KHDRBS3: variants seen among roughly 807,000 people sequenced by gnomAD.
KHDRBS3 encodes the protein KH RNA binding domain containing, signal transduction associated 3.
Under a neutral mutation model 45.6 loss-of-function variants are expected in KHDRBS3, and 23 were observed. That is an observed-to-expected ratio of 0.50 (90% confidence interval 0.36 to 0.72). The LOEUF (loss-of-function observed/expected upper bound fraction) is 0.72. KHDRBS3 is among the 30% of genes least tolerant of loss of function. The probability of loss-of-function intolerance (pLI) is 0.00; values close to 1 mark genes in which losing one functional copy is unlikely to be tolerated. For synonymous variants in KHDRBS3, 162 were observed against 156.5 expected, an observed-to-expected ratio of 1.04 and a Z score of -0.26; for missense variants, 352 against 424.8, an observed-to-expected ratio of 0.83 and a Z score of 1.51.
rs143025138 is a variant in KHDRBS3 at position 135,595,368 on chromosome 8, T to C, written c.808-11587T>C. Among the ~76,000 whole-genome samples, 701 of 152,324 alleles carry C rather than the reference T, an allele frequency of 4.6e-3. 30 individuals carry two copies. Among genetic ancestry groups the C allele is most frequent in the Admixed American group, 0.038 (576 of 15,296 alleles). On this transcript the variant is annotated intron_variant, in intron 6 of 8. Coordinates refer to ENST00000355849, the MANE Select transcript of KHDRBS3 (RefSeq NM_006558.3). Reference sequence around the variant, plus strand: ...AGGATTCGTACCTTTTTATGACTTATTTTATGCTTGAATAAAAAGTTTAAA... The same window carrying C: ...AGGATTCGTACCTTTTTATGACTTACTTTATGCTTGAATAAAAAGTTTAAA...
At chr8:135,474,374 A>G (rs1019009154) in intron 1 of KHDRBS3, among the ~76,000 whole-genome samples, 1 of 152,250 alleles carries the variant, frequency 6.6e-6, no homozygotes, top group Non-Finnish European at 1.5e-5. Flanking sequence ...GTATGCATGA[A>G]TCGAACCAGA....
intron 7 of KHDRBS3, among the ~76,000 whole-genome samples, chr8:135,627,042 C>T (rs1164071267): frequency 6.6e-6 from 1 of 152,120 alleles, no homozygotes; most frequent in Non-Finnish European, 1.5e-5. Context: ...CAGAAAAATA[C>T]AGGGATACTC....
intron 7 of KHDRBS3, among the ~76,000 whole-genome samples, chr8:135,642,528 T>C (rs774901745): frequency 4.6e-5 from 7 of 152,214 alleles, no homozygotes; most frequent in Non-Finnish European, 7.3e-5. Context: ...TGTGGCTACA[T>C]GTACCTCTGT....
chr8:135,542,948 C>T (rs1826116013), intron 3 of KHDRBS3, among the ~76,000 whole-genome samples, 178 bp downstream of exon 3: 1 of 152,098 alleles, frequency 6.6e-6, no homozygotes, highest in Non-Finnish European at 1.5e-5. Context: ...CATCTGTAAC[C>T]TTTATAGTCA....
intron 2 of KHDRBS3, among the ~76,000 whole-genome samples, chr8:135,526,774 G>A (rs77617065): frequency 1.7e-3 from 253 of 152,214 alleles, no homozygotes; most frequent in African/African-American, 5.7e-3. Context: ...TCTTTCAATG[G>A]CACAGCATTG....
intron 5 of KHDRBS3, among the ~76,000 whole-genome samples, chr8:135,571,686 G>A (rs1827709515): frequency 6.6e-6 from 1 of 152,082 alleles, no homozygotes; most frequent in African/African-American, 2.4e-5. Flanking sequence ...TCCCAGTTAA[G>A]GGTGCAAAGG....
At chr8:135,470,527 G>A (rs1269762708) in intron 1 of KHDRBS3, among the ~76,000 whole-genome samples, 1 of 151,300 alleles carries the variant, frequency 6.6e-6, no homozygotes, top group African/African-American at 2.4e-5. Flanking sequence ...TTGTATTCTG[G>A]ATTGTATTTT....
intron 5 of KHDRBS3, among the ~76,000 whole-genome samples, chr8:135,572,036 C>T (rs1006841684): frequency 2.0e-5 from 3 of 152,136 alleles, no homozygotes; most frequent in African/African-American, 4.8e-5. Context: ...AACAGAGGAC[C>T]GTAGGCAAAT....
At chr8:135,517,503 G>A (rs1312348253) in intron 1 of KHDRBS3, among the ~76,000 whole-genome samples, 3 of 151,924 alleles carry the variant, frequency 2.0e-5, no homozygotes, top group African/African-American at 4.8e-5. Context: ...TCAAGATTTC[G>A]TAGATAATTT....
intron 3 of KHDRBS3, among the ~76,000 whole-genome samples, chr8:135,544,278 TA>T (rs1449601189): frequency 1.3e-5 from 2 of 152,136 alleles, no homozygotes; most frequent in Non-Finnish European, 2.9e-5. Flanking sequence ...TTTTGTAGCA[TA>T]CAGTGGTAGT....
intron 5 of KHDRBS3, among the ~76,000 whole-genome samples, chr8:135,567,498 T>G (rs1257139429): frequency 6.6e-6 from 1 of 152,260 alleles, no homozygotes; most frequent in Non-Finnish European, 1.5e-5. Flanking sequence ...TATACTTTGC[T>G]GTTACTAGGA....
intron 1 of KHDRBS3, chr8:135,458,805 A>T: frequency 2.2e-6 from 1 of 453,700 alleles, no homozygotes; most frequent in Non-Finnish European, 4.4e-6. Context: ...CCTAGGAAGT[A>T]CTGCGGGTCA....
At chr8:135,487,829 C>G (rs897001780) in intron 1 of KHDRBS3, among the ~76,000 whole-genome samples, 1 of 152,160 alleles carries the variant, frequency 6.6e-6, no homozygotes, top group Non-Finnish European at 1.5e-5. Context: ...ACCTGGGTAT[C>G]TGTACTGATT....
intron 5 of KHDRBS3, among the ~76,000 whole-genome samples, chr8:135,578,092 T>C (rs2130911053): frequency 6.6e-6 from 1 of 152,274 alleles, no homozygotes; most frequent in South Asian, 2.1e-4. Flanking sequence ...TTTGCTTTCT[T>C]ATTGTTGAGT....
chr8:135,490,644 G>A (rs112439880), intron 1 of KHDRBS3, among the ~76,000 whole-genome samples: 2 of 152,064 alleles, frequency 1.3e-5, no homozygotes, highest in African/African-American at 4.8e-5. Context: ...AAAATCAAAT[G>A]GGAAGTTTCT....
chr8:135,521,462 TC>T, intron 2 of KHDRBS3, 107 bp downstream of exon 2: 1 of 655,928 alleles, frequency 1.5e-6, no homozygotes. Context: ...TCTCTTAGCA[TC>T]CCCCTACACA....
At chr8:135,487,975 A>G (rs997625671) in intron 1 of KHDRBS3, among the ~76,000 whole-genome samples, 1 of 141,304 alleles carries the variant, frequency 7.1e-6, no homozygotes, top group Non-Finnish European at 1.5e-5. Flanking sequence ...CATTGTTAAA[A>G]ATTTTAATTT....
At chr8:135,589,260 A>G (rs1028080077) in intron 6 of KHDRBS3, among the ~76,000 whole-genome samples, 2 of 152,150 alleles carry the variant, frequency 1.3e-5, no homozygotes, top group African/African-American at 4.8e-5. Flanking sequence ...TATTCTTCAT[A>G]CTACTTCCAG....
rs185812729 is a variant in KHDRBS3, at chr8:135,498,834, G to A, written c.89-22403G>A. Among the ~76,000 whole-genome samples the A allele has an allele frequency of 1.6e-4, 24 of 152,228 alleles. No individual in the cohort carries two copies. The South Asian group carries it at 2.7e-3, about 17-fold the overall frequency. ...AAAGCCCTTGATCTGGTCCCCATGC[G>A]CACAATCAGGTGTGGAGACAGCACT... On this transcript the variant is annotated intron_variant, in intron 1 of 8. Transcript: ENST00000355849.
Sources: gnomAD v4.1 joint callset for allele counts (sites outside exome capture counted in the v4.1 genomes callset) on GRCh38, gnomAD v4.1.1 for gene constraint, MANE v1.5 for transcripts, NCBI Gene and HGNC (gene_info 2026-07-23, HGNC 2026-07-21) for gene names.